Variants in PPP1R12B observed in about 807,000 individuals in gnomAD.
PPP1R12B encodes the protein protein phosphatase 1 regulatory subunit 12B.
PPP1R12B carries 76 observed loss-of-function variants against 126.1 expected under a neutral mutation model. That is an observed-to-expected ratio of 0.60 (90% CI 0.50 to 0.73). PPP1R12B has a LOEUF of 0.73. PPP1R12B is among the 30% of genes least tolerant of loss of function. The probability of loss-of-function intolerance (pLI) is 0.00; values close to 1 mark genes in which losing one functional copy is unlikely to be tolerated. For synonymous variants in PPP1R12B, 356 were observed against 434.7 expected (o/e 0.82, Z 2.25); for missense variants, 1,052 against 1,205.1 (o/e 0.87, Z 1.88).
intron 13 of PPP1R12B, among the ~76,000 whole-genome samples, chr1:202,484,402 G>A (rs1376455569): frequency 6.6e-6 from 1 of 152,098 alleles, no homozygotes; most frequent in East Asian, 1.9e-4. Context: ...TCTCTCTTTT[G>A]TTTCTGTAAT....
chr1:202,540,340 TTCAGAGCATATGGGAA>T (rs1169759303), intron 18 of PPP1R12B: 1 of 992,684 alleles, frequency 1.0e-6, no homozygotes, highest in South Asian at 1.6e-5. Context: ...GCAAAGGGAT[TTCAGAGCATATGGGAA>T]TCAGTACAGG....
chr1:202,514,056 TTTTTGTTTTG>T (rs552500908), intron 18 of PPP1R12B, among the ~76,000 whole-genome samples: 12 of 152,228 alleles, frequency 7.9e-5, no homozygotes, highest in Middle Eastern at 3.4e-3. Flanking sequence ...CAGCATCTGG[TTTTTGTTTTG>T]TTTTGTTTTG....
At chr1:202,564,151 A>G (rs1687824200) in intron 20 of PPP1R12B, among the ~76,000 whole-genome samples, 1 of 152,224 alleles carries the variant, frequency 6.6e-6, no homozygotes, top group African/African-American at 2.4e-5. Context: ...TCCAAAAAAA[A>G]ATTGTCTTTT....
intron 8 of PPP1R12B, among the ~76,000 whole-genome samples, chr1:202,432,239 G>C (rs1337848992): frequency 6.6e-6 from 1 of 151,812 alleles, no homozygotes. Flanking sequence ...TACCTTTATG[G>C]CTATTATTGA....
chr1:202,450,485 G>C (rs1454460412), intron 13 of PPP1R12B, among the ~76,000 whole-genome samples: 2 of 152,200 alleles, frequency 1.3e-5, no homozygotes, highest in African/African-American at 2.4e-5. Flanking sequence ...TGTACTTAAA[G>C]ACTAAGGCTA....
At chr1:202,441,923 C>T (rs984933025) in intron 11 of PPP1R12B, among the ~76,000 whole-genome samples, 11 of 152,070 alleles carry the variant, frequency 7.2e-5, no homozygotes, top group African/African-American at 2.4e-4. Flanking sequence ...GTGGCATGAT[C>T]TTGGCTCATT....
chr1:202,389,083 C>G (rs1273864909), intron 1 of PPP1R12B, among the ~76,000 whole-genome samples: 1 of 151,778 alleles, frequency 6.6e-6, no homozygotes, highest in Non-Finnish European at 1.5e-5. Flanking sequence ...AAAATTATAC[C>G]CCCTAACTCT....
chr1:202,500,537 G>A (rs762973658), intron 18 of PPP1R12B, among the ~76,000 whole-genome samples: 1 of 152,162 alleles, frequency 6.6e-6, no homozygotes, highest in Non-Finnish European at 1.5e-5. Context: ...ATCTTAAAAA[G>A]TTGAGCTCAT....
At position 202,437,903 on chromosome 1, in the gene PPP1R12B, GCAGCCACAA is replaced by G. The variant is rs1191732442; in HGVS notation, c.1340_1348del (p.Ser447_Asn449del). 18 of 1,613,792 alleles carry G rather than the reference GCAGCCACAA, an allele frequency of 1.1e-5. No homozygotes were observed. The highest frequency in any genetic ancestry group is 1.5e-5 in the Non-Finnish European group (18 of 1,179,864). ...TGGAGATTGGGACTGAGAAAAACTG[GCAGCCACAA>G]CATGCTGAGTGAGGTGGCCAATTCC... On this transcript the variant is annotated inframe_deletion, in exon 10 of 24. Transcript: ENST00000608999.
At chr1:202,533,099 C>A (rs1457733286) in intron 18 of PPP1R12B, among the ~76,000 whole-genome samples, 7 of 151,902 alleles carry the variant, frequency 4.6e-5, no homozygotes, top group Admixed American at 3.3e-4. Flanking sequence ...GAACTCCCGA[C>A]CTCAGGTGAT....
At chr1:202,384,338 G>T (rs1428280965) in intron 1 of PPP1R12B, among the ~76,000 whole-genome samples, 2 of 152,166 alleles carry the variant, frequency 1.3e-5, no homozygotes, top group African/African-American at 4.8e-5. Flanking sequence ...GCAAAATGTA[G>T]TATAGCTATA....
At chr1:202,518,901 T>C (rs80153216) in intron 18 of PPP1R12B, among the ~76,000 whole-genome samples, 4,689 of 152,336 alleles carry the variant, frequency 0.031, 107 homozygotes, top group Middle Eastern at 0.092. Flanking sequence ...AAGTATGCAA[T>C]AGTGGATAGA....
chr1:202,571,147 A>G (rs971122272), intron 23 of PPP1R12B, among the ~76,000 whole-genome samples: 4 of 152,110 alleles, frequency 2.6e-5, no homozygotes, highest in African/African-American at 9.7e-5. Context: ...TTTTATTCCA[A>G]TTCTAAATTT....
intron 10 of PPP1R12B, chr1:202,439,821 G>A (rs1671374525): frequency 2.5e-6 from 1 of 398,058 alleles, no homozygotes; most frequent in Non-Finnish European, 4.8e-6. Flanking sequence ...GCTGGGCTAG[G>A]TCTCCACTGG....
rs192759844 is a variant in PPP1R12B, at chr1:202,415,260, T to A, written c.292-1527T>A. 3.5e-4 allele frequency among the ~76,000 whole-genome samples: 53 copies of A among 152,342 alleles called. 1 individual carries two copies. The highest frequency in any genetic ancestry group is 2.6e-3 in the Admixed American group (40 of 15,298). Reference sequence around the variant, plus strand: ...TTTAACTGTATGTGGTGAGGAAGAATATAGTGCCTGCTGGTAGTTTTTGAT... The same window carrying A: ...TTTAACTGTATGTGGTGAGGAAGAAAATAGTGCCTGCTGGTAGTTTTTGAT... On this transcript the variant is annotated intron_variant, in intron 1 of 23. Coordinates refer to ENST00000608999, the MANE Select transcript of PPP1R12B (RefSeq NM_002481.4).
intron 18 of PPP1R12B, among the ~76,000 whole-genome samples, chr1:202,553,018 G>C (rs1270408106): frequency 3.3e-5 from 5 of 152,168 alleles, no homozygotes; most frequent in Non-Finnish European, 7.3e-5. Context: ...TCTGGTTTCT[G>C]TCCCTTTCTA....
chr1:202,382,851 G>A (rs1473965088), intron 1 of PPP1R12B, among the ~76,000 whole-genome samples: 2 of 151,672 alleles, frequency 1.3e-5, no homozygotes, highest in Admixed American at 1.3e-4. Flanking sequence ...CCTCCAGCCT[G>A]GGGGACAGAG....
At chr1:202,457,709 ATC>A (rs1303534161) in intron 13 of PPP1R12B, among the ~76,000 whole-genome samples, 2 of 152,182 alleles carry the variant, frequency 1.3e-5, no homozygotes, top group African/African-American at 4.8e-5. Context: ...GAGGAGGGGA[ATC>A]TAAATTAGAT....
intron 18 of PPP1R12B, among the ~76,000 whole-genome samples, chr1:202,549,418 AC>A (rs958034771): frequency 1.1e-4 from 16 of 144,964 alleles, no homozygotes; most frequent in African/African-American, 4.1e-4. Flanking sequence ...TTAATCAATT[AC>A]CTTTTTTTTT....
Sources: allele counts gnomAD v4.1 joint callset (sites outside exome capture counted in the v4.1 genomes callset), GRCh38; gene constraint gnomAD v4.1.1; transcripts MANE v1.5; gene names NCBI Gene and HGNC (gene_info 2026-07-23, HGNC 2026-07-21).